IGSF10: variants seen among roughly 807,000 people sequenced by gnomAD.
IGSF10 encodes the protein calvaria mechanical force protein 608.
A neutral mutation model predicts 128.2 loss-of-function variants in IGSF10; 126 were observed. The observed-to-expected ratio is 0.98, with a 90% CI of 0.85 to 1.14. The LOEUF (loss-of-function observed/expected upper bound fraction) is 1.14, where lower values mean the gene tolerates loss of function less well. Ranked by LOEUF, IGSF10 falls within the 50% of genes most tolerant of loss-of-function variation. IGSF10 has a pLI of 0.00. For synonymous variants in IGSF10, 1,185 were observed against 1,146.2 expected, an observed-to-expected ratio of 1.03 and a Z score of -0.68; for missense variants, 3,295 against 3,149.8, an observed-to-expected ratio of 1.05 and a Z score of -1.10.
At chr3:151,606,984 G>C in the IGSF10 span, among the ~76,000 whole-genome samples, 1 of 152,164 alleles carries the variant, frequency 6.6e-6, no homozygotes, top group Non-Finnish European at 1.5e-5. Context: ...AGAATTTGTA[G>C]TGCCATCTCT....
chr3:151,618,707 G>A, the IGSF10 span, among the ~76,000 whole-genome samples: 10 of 147,452 alleles, frequency 6.8e-5, no homozygotes, highest in African/African-American at 2.5e-4. Context: ...TCCAGCCCGG[G>A]CAACAGAGTG....
chr3:151,486,669 C>T, the IGSF10 span, among the ~76,000 whole-genome samples: 35 of 152,250 alleles, frequency 2.3e-4, no homozygotes, highest in East Asian at 2.7e-3. Flanking sequence ...CACTCAAAAC[C>T]GCACAGCTAC....
chr3:151,490,226 T>C, the IGSF10 span, among the ~76,000 whole-genome samples: 1 of 152,154 alleles, frequency 6.6e-6, no homozygotes, highest in Non-Finnish European at 1.5e-5. Flanking sequence ...AATCAAAAGA[T>C]ATCGGGGTGG....
the IGSF10 span, among the ~76,000 whole-genome samples, chr3:151,589,977 T>C: frequency 6.6e-6 from 1 of 152,142 alleles, no homozygotes; most frequent in African/African-American, 2.4e-5. Flanking sequence ...AAGAATAAAA[T>C]AAAAAATTAT....
Position 151,436,959 on chromosome 3 carries a change from T to C in IGSF10, c.7602A>G (p.Pro2534=), listed in dbSNP as rs1229739048. The change falls in exon 8 of 8, where the codon CCA becomes CCG. Residue 2534 remains proline, a synonymous_variant. Coordinates refer to ENST00000282466, the MANE Select transcript of IGSF10 (RefSeq NM_178822.5). ...VAYPPRITNR[P]PRSIVTRTGA... ...CTGTCCTGGTGACAATACTCCTGGG[T>C]GGACGATTTGTAATTCGGGGAGGGT... The C allele has an allele frequency of 3.7e-6, 6 of 1,614,050 alleles. No individual in the cohort carries two copies. Among genetic ancestry groups the C allele is most frequent in the Non-Finnish European group, 4.2e-6 (5 of 1,180,030 alleles).
rs774688426 is a variant in IGSF10, at chr3:151,445,035, C to T, written c.4946G>A (p.Arg1649Lys). 1.2e-5 allele frequency: 20 copies of T among 1,614,050 alleles called. No individual in the cohort carries two copies. The South Asian group carries it at 2.1e-4, about 17-fold the overall frequency. Reference protein sequence around the residue: ...SLSRYIFEKPRIVGGKAASFT... With the variant: ...SLSRYIFEKPKIVGGKAASFT... ...ACTTGCAGCTTTTCCTCCAACTATC[C>T]TGGGCTTTTCAAATATATACCTAGA... Residue 1649 changes from arginine to lysine, a missense_variant, in exon 6 of 8, where the codon AGG becomes AAG. Transcript: ENST00000282466.
Position 151,445,400 on chromosome 3 carries a change from C to A in IGSF10, c.4581G>T (p.Lys1527Asn), listed in dbSNP as rs754102214. The change falls in exon 6 of 8, where the codon AAG (lysine) becomes AAT (asparagine). Residue 1527 changes from lysine (K) to asparagine (N), a missense_variant. Lys to Asn is a moderately conservative substitution (Grantham distance 94). Coordinates refer to ENST00000282466, the MANE Select transcript of IGSF10 (RefSeq NM_178822.5). Reference protein sequence around the residue: ...QLVAEVATSPKVHPNAKFTIG... With the variant: ...QLVAEVATSPNVHPNAKFTIG... ...TTGTGAACTTGGCATTTGGGTGAAC[C>A]TTGGGGGATGTTGCAACCTCTGCTA... 1 of 1,614,084 alleles carries A rather than the reference C, an allele frequency of 6.2e-7. No individual in the cohort carries two copies. Among genetic ancestry groups the A allele is most frequent in the African/African-American group, 1.3e-5 (1 of 75,012 alleles).
chr3:151,517,003 G>C, the IGSF10 span, among the ~76,000 whole-genome samples: 2 of 151,842 alleles, frequency 1.3e-5, no homozygotes, highest in African/African-American at 2.4e-5. Flanking sequence ...GACATTGCCT[G>C]GAAGTCTTCA....
At chr3:151,591,845 A>C in the IGSF10 span, among the ~76,000 whole-genome samples, 2 of 152,164 alleles carry the variant, frequency 1.3e-5, no homozygotes, top group Non-Finnish European at 2.9e-5. Flanking sequence ...AGATGCAAAA[A>C]TCCTGGAAAT....
At chr3:151,553,976 A>C in the IGSF10 span, among the ~76,000 whole-genome samples, 1,097 of 140,372 alleles carry the variant, frequency 7.8e-3, 13 homozygotes, top group African/African-American at 0.027. Context: ...ACAACAACAA[A>C]AAAAAAACAA....
the IGSF10 span, among the ~76,000 whole-genome samples, chr3:151,564,991 G>A: frequency 4.6e-5 from 7 of 152,174 alleles, no homozygotes; most frequent in African/African-American, 1.4e-4. Flanking sequence ...CTGAGACAGA[G>A]GCAAGCTAAG....
the IGSF10 span, among the ~76,000 whole-genome samples, chr3:151,557,055 T>C: frequency 1.3e-5 from 2 of 152,192 alleles, no homozygotes; most frequent in African/African-American, 2.4e-5. Context: ...AAGAGAGTTT[T>C]AGGTTTGTTG....
intron 5 of IGSF10, among the ~76,000 whole-genome samples, chr3:151,452,997 C>T (rs1447079280): frequency 3.9e-5 from 6 of 152,004 alleles, no homozygotes; most frequent in Non-Finnish European, 8.8e-5. Flanking sequence ...AGAGCAAAAA[C>T]TGCCTGTGTG....
chr3:151,469,561 G>A, the IGSF10 span, among the ~76,000 whole-genome samples: 1 of 152,150 alleles, frequency 6.6e-6, no homozygotes, highest in East Asian at 1.9e-4. Context: ...GCTGTCTACA[G>A]AAATAAATTG....
chr3:151,460,194 C>T, intron 2 of IGSF10, 67 bp downstream of exon 2: 1 of 356,286 alleles, frequency 2.8e-6, no homozygotes, highest in Non-Finnish European at 3.9e-6. Flanking sequence ...TAAGACAACA[C>T]ATGAATAAGG....
At chr3:151,603,239 C>A in the IGSF10 span, among the ~76,000 whole-genome samples, 1 of 152,294 alleles carries the variant, frequency 6.6e-6, no homozygotes, top group Admixed American at 6.5e-5. Context: ...GAACTCAGTT[C>A]TTTCTGTTCT....
At chr3:151,585,318 G>A in the IGSF10 span, among the ~76,000 whole-genome samples, 1 of 151,986 alleles carries the variant, frequency 6.6e-6, no homozygotes, top group Admixed American at 6.6e-5. Flanking sequence ...TGTCACTACT[G>A]GAAAATTTAA....
the IGSF10 span, among the ~76,000 whole-genome samples, chr3:151,571,319 G>A: frequency 1.3e-5 from 2 of 152,126 alleles, no homozygotes; most frequent in African/African-American, 4.8e-5. Context: ...AATTACCTTG[G>A]ACAGTATGGC....
intron 5 of IGSF10, among the ~76,000 whole-genome samples, chr3:151,450,223 C>T (rs1055567168): frequency 2.6e-5 from 4 of 152,194 alleles, no homozygotes; most frequent in African/African-American, 9.7e-5. Flanking sequence ...TTTAAAATGG[C>T]TGGTCACTGG....
Sources: allele counts gnomAD v4.1 joint callset (sites outside exome capture counted in the v4.1 genomes callset), GRCh38; gene constraint gnomAD v4.1.1; transcripts MANE v1.5; gene names NCBI Gene and HGNC (gene_info 2026-07-23, HGNC 2026-07-21).